The following SPIDR variants were observed in gnomAD, a reference collection of about 807,000 sequenced individuals.
SPIDR encodes DNA repair-scaffolding protein.
SPIDR carries 93 observed loss-of-function variants against 104.6 expected under a neutral mutation model. That is an observed-to-expected ratio of 0.89 (90% CI 0.75 to 1.06). The LOEUF is 1.06. Ranked by LOEUF, SPIDR falls within the 50% of genes least tolerant of loss-of-function variation. The pLI is 0.00. For synonymous variants in SPIDR, 431 were observed against 416.9 expected (o/e 1.03, Z -0.41); for missense variants, 1,154 against 1,111.2 (o/e 1.04, Z -0.55).
At chr8:47,718,244 A>G (rs900124021) in intron 16 of SPIDR, among the ~76,000 whole-genome samples, 1 of 152,248 alleles carries the variant, frequency 6.6e-6, no homozygotes, top group African/African-American at 2.4e-5. Flanking sequence ...ACATACGGAG[A>G]TCAAACACAC....
At chr8:47,365,384 A>G (rs1554633802) in intron 5 of SPIDR, among the ~76,000 whole-genome samples, 2 of 152,198 alleles carry the variant, frequency 1.3e-5, no homozygotes, top group African/African-American at 2.4e-5. Context: ...TTATAGACAC[A>G]TGGCAGCAAG....
intron 11 of SPIDR, among the ~76,000 whole-genome samples, chr8:47,680,039 C>T (rs928607015): frequency 1.3e-5 from 2 of 151,958 alleles, no homozygotes; most frequent in African/African-American, 4.8e-5. Context: ...TTACTGTATG[C>T]GGTGCAGGTG....
chr8:47,592,050 A>T, intron 8 of SPIDR: 1 of 941,948 alleles, frequency 1.1e-6, no homozygotes, highest in Non-Finnish European at 1.7e-6. Flanking sequence ...TTTATTCAGT[A>T]ATGTTTCTAA....
At chr8:47,528,559 G>C (rs915488403) in intron 8 of SPIDR, among the ~76,000 whole-genome samples, 8 of 152,100 alleles carry the variant, frequency 5.3e-5, no homozygotes, top group African/African-American at 1.4e-4. Context: ...AGGGAAGATT[G>C]GACAACAGGC....
intron 5 of SPIDR, among the ~76,000 whole-genome samples, chr8:47,313,849 GA>G (rs2044719501): frequency 6.6e-6 from 1 of 152,126 alleles, no homozygotes; most frequent in African/African-American, 2.4e-5. Flanking sequence ...AAAGTACTGG[GA>G]AAATAAAAAT....
chr8:47,502,622 G>A (rs1012270889), intron 8 of SPIDR, among the ~76,000 whole-genome samples: 11 of 151,956 alleles, frequency 7.2e-5, no homozygotes, highest in African/African-American at 2.2e-4. Flanking sequence ...AGGGTTTTTC[G>A]TGTCTCTATT....
intron 4 of SPIDR, among the ~76,000 whole-genome samples, chr8:47,291,425 T>G (rs1234054804): frequency 2.6e-5 from 4 of 152,192 alleles, no homozygotes; most frequent in Non-Finnish European, 4.4e-5. Flanking sequence ...GTATAGCCAC[T>G]CTGGAAAACA....
chr8:47,403,859 G>A (rs1183602435), intron 6 of SPIDR, among the ~76,000 whole-genome samples: 1 of 152,096 alleles, frequency 6.6e-6, no homozygotes, highest in African/African-American at 2.4e-5. Flanking sequence ...ATACTTCAAA[G>A]TTCATATGGA....
At chr8:47,696,271 A>G (rs1399585222) in intron 11 of SPIDR, among the ~76,000 whole-genome samples, 6 of 152,200 alleles carry the variant, frequency 3.9e-5, no homozygotes, top group Non-Finnish European at 5.9e-5. Flanking sequence ...TTTGTTTTCT[A>G]CTTAGATTTT....
At chr8:47,537,558 A>G (rs1587380324) in intron 8 of SPIDR, among the ~76,000 whole-genome samples, 2 of 152,322 alleles carry the variant, frequency 1.3e-5, no homozygotes, top group Middle Eastern at 6.8e-3. Flanking sequence ...AGAGGGAGGG[A>G]GAGATGAATA....
chr8:47,353,459 T>G (rs2053947963), intron 5 of SPIDR, among the ~76,000 whole-genome samples: 1 of 152,120 alleles, frequency 6.6e-6, no homozygotes, highest in South Asian at 2.1e-4. Flanking sequence ...ATATGCAAGC[T>G]TAGGTTGCTT....
intron 3 of SPIDR, among the ~76,000 whole-genome samples, chr8:47,287,439 T>C (rs2039056369): frequency 6.6e-6 from 1 of 152,158 alleles, no homozygotes; most frequent in Non-Finnish European, 1.5e-5. Flanking sequence ...GTGGATTTTT[T>C]TTCCCCACCC....
chr8:47,561,131 G>T (rs1445560398), intron 8 of SPIDR, among the ~76,000 whole-genome samples: 3 of 152,210 alleles, frequency 2.0e-5, no homozygotes, highest in Non-Finnish European at 4.4e-5. Flanking sequence ...AACATGAGTG[G>T]CCTAACATTT....
chr8:47,731,270 G>T (rs984692022), intron 19 of SPIDR, among the ~76,000 whole-genome samples: 7 of 151,840 alleles, frequency 4.6e-5, no homozygotes, highest in Non-Finnish European at 8.8e-5. Context: ...AAAAAAAAAG[G>T]GCTTCTGCTC....
At chr8:47,712,233 A>G (rs556547453) in intron 14 of SPIDR, among the ~76,000 whole-genome samples, 1 of 152,382 alleles carries the variant, frequency 6.6e-6, no homozygotes, top group African/African-American at 2.4e-5. Flanking sequence ...CTTTATACCA[A>G]GGCCCTGTAC....
chr8:47,566,971 T>C (rs1411276433), intron 8 of SPIDR, among the ~76,000 whole-genome samples: 1 of 152,176 alleles, frequency 6.6e-6, no homozygotes, highest in East Asian at 1.9e-4. Context: ...TCAGCAAATA[T>C]TTGGTCAAAC....
chr8:47,367,380 C>T (rs1554635302), intron 5 of SPIDR, among the ~76,000 whole-genome samples: 1 of 152,154 alleles, frequency 6.6e-6, no homozygotes, highest in Non-Finnish European at 1.5e-5. Context: ...TAAGCTCCAC[C>T]ACCACCTTGA....
chr8:47,707,382 C>T (rs1333948562), intron 14 of SPIDR, among the ~76,000 whole-genome samples: 2 of 152,058 alleles, frequency 1.3e-5, no homozygotes, highest in Non-Finnish European at 2.9e-5. Context: ...CATATGTCCT[C>T]TTTGGTAAAA....
chr8:47,376,565 A>G (rs1000306260), intron 5 of SPIDR, among the ~76,000 whole-genome samples: 3 of 152,244 alleles, frequency 2.0e-5, no homozygotes, highest in Non-Finnish European at 2.9e-5. Context: ...ACAGGGCAAC[A>G]TTAACCAGTC....
Sources: allele counts gnomAD v4.1 joint callset (sites outside exome capture counted in the v4.1 genomes callset), GRCh38; gene constraint gnomAD v4.1.1; transcripts MANE v1.5; gene names NCBI Gene and HGNC (gene_info 2026-07-23, HGNC 2026-07-21).